The following GABBR2 variants were observed in gnomAD, a reference collection of about 807,000 sequenced individuals.
GABBR2 encodes the protein gamma-aminobutyric acid type B receptor subunit 2.
In GABBR2, 23 loss-of-function variants were observed where a neutral mutation model predicts 105.6. The observed-to-expected ratio is 0.22, with a 90% CI of 0.16 to 0.31. GABBR2 has a LOEUF of 0.31. Among genes scored for constraint, GABBR2 ranks in the 10% least tolerant of loss-of-function variants. The probability of loss-of-function intolerance (pLI) is 1.00; values close to 1 mark genes in which losing one functional copy is unlikely to be tolerated. For synonymous variants in GABBR2, 478 were observed against 499.7 expected (o/e 0.96, Z 0.58); for missense variants, 734 against 1,245.5 (o/e 0.59, Z 6.18).
At chr9:98,539,121 G>A (rs1249581061) in intron 3 of GABBR2, among the ~76,000 whole-genome samples, 1 of 152,224 alleles carries the variant, frequency 6.6e-6, no homozygotes, top group Non-Finnish European at 1.5e-5. Flanking sequence ...GCAACAGCCT[G>A]AGGGTACAGC....
chr9:98,600,050 G>A (rs1829303003), intron 1 of GABBR2, among the ~76,000 whole-genome samples: 1 of 152,138 alleles, frequency 6.6e-6, no homozygotes, highest in Admixed American at 6.5e-5. Flanking sequence ...GGCTCATGGA[G>A]GCAGCTTATC....
chr9:98,404,495 A>G (rs1832454799), intron 8 of GABBR2, among the ~76,000 whole-genome samples: 1 of 152,166 alleles, frequency 6.6e-6, no homozygotes, highest in Non-Finnish European at 1.5e-5. Context: ...TTTCCCCTGG[A>G]TGGCGCTGGG....
chr9:98,697,490 C>G (rs372069846), intron 1 of GABBR2, among the ~76,000 whole-genome samples: 2 of 141,078 alleles, frequency 1.4e-5, no homozygotes, highest in Non-Finnish European at 3.1e-5. Context: ...CACTCCGTCT[C>G]AAAAAAAAAA....
In GABBR2 at chr9:98,572,440, G is replaced by C. The variant is rs7047200; in HGVS notation, c.459+5495C>G. Among the ~76,000 whole-genome samples, 297 of 152,352 alleles carry C rather than the reference G, an allele frequency of 1.9e-3. 1 individual carries two copies. Among genetic ancestry groups the C allele is most frequent in the African/African-American group, 7.0e-3 (291 of 41,584 alleles). On this transcript the variant is annotated intron_variant, in intron 2 of 18. Transcript: ENST00000259455. ...ATTGCTCCTCCAAAAAGGGCCGCCA[G>C]AGCTCCTTTTCAATTACACAAATTC...
chr9:98,427,018 A>G (rs1208070579), intron 7 of GABBR2, among the ~76,000 whole-genome samples: 2 of 152,112 alleles, frequency 1.3e-5, no homozygotes, highest in African/African-American at 4.8e-5. Flanking sequence ...CAAACAAACA[A>G]AAGAGACAGG....
chr9:98,517,069 C>T (rs944761), intron 3 of GABBR2, among the ~76,000 whole-genome samples: 48,976 of 152,026 alleles, frequency 0.32, 8,127 homozygotes, highest in Non-Finnish European at 0.33. Flanking sequence ...GGAGATACTA[C>T]GGTGCACTGC....
At chr9:98,479,601 G>A (rs749866220) in intron 5 of GABBR2, among the ~76,000 whole-genome samples, 50 of 152,222 alleles carry the variant, frequency 3.3e-4, no homozygotes, top group Non-Finnish European at 6.3e-4. Flanking sequence ...AACCACACGT[G>A]ACCACGGCTT....
chr9:98,382,810 T>C (rs1356634141), intron 11 of GABBR2, among the ~76,000 whole-genome samples: 2 of 152,230 alleles, frequency 1.3e-5, no homozygotes, highest in African/African-American at 4.8e-5. Context: ...ATGAAATTGT[T>C]AGGCATCTCA....
chr9:98,648,080 G>GGT (rs1554723457), intron 1 of GABBR2, among the ~76,000 whole-genome samples: 4 of 67,978 alleles, frequency 5.9e-5, no homozygotes, highest in Non-Finnish European at 8.3e-5. Context: ...AATCATACAG[G>GGT]GTGTGTGTGT....
intron 7 of GABBR2, among the ~76,000 whole-genome samples, chr9:98,427,710 CA>C (rs1190782383): frequency 2.1e-5 from 3 of 143,376 alleles, no homozygotes; most frequent in Non-Finnish European, 4.7e-5. Flanking sequence ...TTGGATTACT[CA>C]TGCTGGTGAA....
At chr9:98,331,301 C>T (rs1316112381) in intron 13 of GABBR2, among the ~76,000 whole-genome samples, 2 of 150,736 alleles carry the variant, frequency 1.3e-5, no homozygotes, top group African/African-American at 2.4e-5. Context: ...CTCTGTTTAA[C>T]GTTTTCAGGA....
intron 13 of GABBR2, among the ~76,000 whole-genome samples, chr9:98,344,949 T>C (rs1393215223): frequency 6.6e-6 from 1 of 152,166 alleles, no homozygotes; most frequent in African/African-American, 2.4e-5. Context: ...CTCAAACTTA[T>C]GGCCAGAAAT....
At position 98,318,038 on chromosome 9, in the gene GABBR2, A is replaced by C. The variant is rs79966752; in HGVS notation, c.1894-6833T>G. Among the ~76,000 whole-genome samples the C allele has an allele frequency of 6.7e-3, 1,017 of 152,330 alleles. 12 individuals carry two copies. Among genetic ancestry groups the C allele is most frequent in the African/African-American group, 0.023 (951 of 41,584 alleles). On this transcript the variant is annotated intron_variant, in intron 13 of 18. Coordinates refer to ENST00000259455, the MANE Select transcript of GABBR2 (RefSeq NM_005458.8). The stretch of plus-strand genomic sequence containing the variant: ...GCTAGGGGAAGAGCACGCATGGCAG[A>C]AGGCATGGCAAGGGAAAAGAACCTG...
intron 7 of GABBR2, among the ~76,000 whole-genome samples, chr9:98,413,519 T>C (rs1250142470): frequency 6.6e-6 from 1 of 152,238 alleles, no homozygotes; most frequent in Non-Finnish European, 1.5e-5. Context: ...TTAAAATATT[T>C]TCTTACACCA....
intron 13 of GABBR2, among the ~76,000 whole-genome samples, chr9:98,334,339 G>A (rs528754703): frequency 9.2e-5 from 14 of 152,248 alleles, no homozygotes; most frequent in Non-Finnish European, 1.3e-4. Flanking sequence ...GAAGCAGGAA[G>A]TGTGAATGGA....
At chr9:98,438,034 G>A (rs1276771149) in intron 7 of GABBR2, among the ~76,000 whole-genome samples, 4 of 138,282 alleles carry the variant, frequency 2.9e-5, no homozygotes, top group South Asian at 2.4e-4. Context: ...ACCTACCCAC[G>A]TATCCATTCA....
chr9:98,603,643 A>T, intron 1 of GABBR2, among the ~76,000 whole-genome samples: 1 of 152,180 alleles, frequency 6.6e-6, no homozygotes, highest in Admixed American at 6.5e-5. Flanking sequence ...CCACCAGTGC[A>T]CTAGAGAAAC....
intron 13 of GABBR2, among the ~76,000 whole-genome samples, chr9:98,337,171 G>C (rs1234944928): frequency 6.6e-6 from 1 of 152,116 alleles, no homozygotes; most frequent in African/African-American, 2.4e-5. Flanking sequence ...CAGGCATGGT[G>C]GTGGGTGCCT....
intron 7 of GABBR2, among the ~76,000 whole-genome samples, chr9:98,444,132 T>C (rs1826079644): frequency 6.6e-6 from 1 of 152,230 alleles, no homozygotes. Context: ...TCATTAATTA[T>C]TTAAATCATC....
Sources: allele counts gnomAD v4.1 joint callset (sites outside exome capture counted in the v4.1 genomes callset), GRCh38; gene constraint gnomAD v4.1.1; transcripts MANE v1.5; gene names NCBI Gene and HGNC (gene_info 2026-07-23, HGNC 2026-07-21).